The following POLR1E variants were observed in gnomAD, a reference collection of about 807,000 sequenced individuals.
The protein encoded by POLR1E is DNA-directed RNA polymerase I subunit RPA49.
In POLR1E, 37 loss-of-function variants were observed where a neutral mutation model predicts 50.9. That is an observed-to-expected ratio of 0.73 (90% CI 0.56 to 0.96). The LOEUF (loss-of-function observed/expected upper bound fraction) is 0.96. POLR1E is among the 40% of genes least tolerant of loss of function. The pLI is 0.00. For synonymous variants in POLR1E, 166 were observed against 191.6 expected (o/e 0.87, Z 1.10); for missense variants, 426 against 518.1 (o/e 0.82, Z 1.73).
chr9:37,496,391 G>A (rs1820785583), intron 8 of POLR1E, among the ~76,000 whole-genome samples: 1 of 152,004 alleles, frequency 6.6e-6, no homozygotes, highest in South Asian at 2.1e-4. Context: ...TTAAATTTAT[G>A]TATTTAAAAT....
chr9:37,502,760 T>C (rs1296937428), intron 11 of POLR1E, among the ~76,000 whole-genome samples: 1 of 152,212 alleles, frequency 6.6e-6, no homozygotes, highest in East Asian at 1.9e-4. Context: ...AAAGTTTGGT[T>C]ATGGGAGGTA....
rs1820673064 is a variant in POLR1E at position 37,491,020 on chromosome 9, A to G, written c.343+1620A>G. 3 of 270,148 alleles carry G rather than the reference A, an allele frequency of 1.1e-5. No homozygotes were observed. The East Asian group carries it at 2.7e-4, about 24-fold the overall frequency. The allele number at this position is 270,148 out of a possible 1,614,324, so 16.7% of individuals were successfully genotyped here. On this transcript the variant is annotated intron_variant, in intron 4 of 11. Coordinates refer to ENST00000377798, the MANE Select transcript of POLR1E (RefSeq NM_022490.4). ...CAAAGGAAATTGCTTATTAAGTTGT[A>G]TAGTAACTTTCACGTTGAGGACAAG...
intron 5 of POLR1E, among the ~76,000 whole-genome samples, chr9:37,492,952 C>T (rs181118599): frequency 1.2e-4 from 18 of 152,250 alleles, no homozygotes; most frequent in Admixed American, 5.2e-4. Flanking sequence ...TGTTTGGAGT[C>T]GGTTCTCTGG....
At chr9:37,498,045 C>A (rs759430195) in intron 8 of POLR1E, 46 bp from the exon 9 acceptor site, 1 of 1,592,770 alleles carries the variant, frequency 6.3e-7, no homozygotes. Context: ...CCTGACAGAG[C>A]CCATCTTACC....
rs1376137320 is a variant in POLR1E at position 37,495,974 on chromosome 9, T to C, written c.740T>C (p.Ile247Thr). ...ACGTCAGAAGAAATACTGAAGATGA[T>C]TGAGGAGAACAGGTACCCTGACTTA... ...NVTSEEILKM[I>T]EENSHCTFVI... The change falls in exon 8 of 12, where the codon ATT (isoleucine) becomes ACT (threonine). Residue 247 changes from isoleucine to threonine, a missense_variant. Coordinates refer to ENST00000377798, the MANE Select transcript of POLR1E (RefSeq NM_022490.4). 1.9e-6 allele frequency: 3 copies of C among 1,613,174 alleles called. No homozygotes were observed. The highest frequency in any genetic ancestry group is 2.5e-6 in the Non-Finnish European group (3 of 1,179,334).
At chr9:37,487,521 A>G (rs762803632) in intron 2 of POLR1E, among the ~76,000 whole-genome samples, 30 of 152,358 alleles carry the variant, frequency 2.0e-4, no homozygotes, top group Admixed American at 3.3e-4. Flanking sequence ...GAACAGGCCA[A>G]AGAGAGATTG....
chr9:37,500,515 A>G (rs1820866652), intron 9 of POLR1E, among the ~76,000 whole-genome samples: 1 of 151,722 alleles, frequency 6.6e-6, no homozygotes, highest in South Asian at 2.1e-4. Flanking sequence ...TTCCAATTCC[A>G]CCTTTCCCCC....
intron 11 of POLR1E, 124 bp from the exon 12 acceptor site, chr9:37,502,919 C>A: frequency 9.2e-7 from 1 of 1,088,048 alleles, no homozygotes; most frequent in Non-Finnish European, 1.3e-6. Flanking sequence ...TTTGTGCCTG[C>A]TGGCAACCTT....
intron 5 of POLR1E, among the ~76,000 whole-genome samples, chr9:37,493,185 C>G (rs754951): frequency 0.46 from 70,083 of 151,988 alleles, 18,534 homozygotes; most frequent in African/African-American, 0.74. Flanking sequence ...CTACTTTTTG[C>G]TTCAGGGGGA....
chr9:37,498,330 G>C (rs1005247931), intron 9 of POLR1E, 106 bp downstream of exon 9: 7 of 1,239,876 alleles, frequency 5.6e-6, no homozygotes, highest in Non-Finnish European at 7.8e-6. Flanking sequence ...GTCTGTCCAA[G>C]TCTTTACTGT....
At chr9:37,498,588 T>C (rs1393548576) in intron 9 of POLR1E, among the ~76,000 whole-genome samples, 1 of 152,232 alleles carries the variant, frequency 6.6e-6, no homozygotes, top group Non-Finnish European at 1.5e-5. Context: ...TGTGTGCGTG[T>C]GTGTGTGTAT....
chr9:37,492,563 ATTC>A, intron 4 of POLR1E, 91 bp from the exon 5 acceptor site: 1 of 1,207,032 alleles, frequency 8.3e-7, no homozygotes, highest in East Asian at 2.5e-5. Context: ...GAAATCTATT[ATTC>A]TTAGATAGAC....
chr9:37,493,437 C>A, intron 5 of POLR1E, 122 bp from the exon 6 acceptor site: 2 of 801,948 alleles, frequency 2.5e-6, no homozygotes, highest in Non-Finnish European at 1.8e-6. Context: ...TGCGATTCAG[C>A]CTTATTCACA....
At chr9:37,493,190 G>T (rs1244225275) in intron 5 of POLR1E, among the ~76,000 whole-genome samples, 1 of 152,160 alleles carries the variant, frequency 6.6e-6, no homozygotes, top group Non-Finnish European at 1.5e-5. Flanking sequence ...TTTTGCTTCA[G>T]GGGGAAGGAG....
chr9:37,495,183 G>A lies in POLR1E; in HGVS notation c.562G>A (p.Ala188Thr), dbSNP rs1230283589. ...TKGVTALVSDAIHNDLQDDSL... is the reference protein window; with the variant it reads ...TKGVTALVSDTIHNDLQDDSL... ...TTATTGAAAAGCTCTGGTCAGCGAT[G>A]CTATCCACAATGACTTGCAAGATGA... The change falls in exon 7 of 12, where the codon GCT (alanine) becomes ACT (threonine). Residue 188 changes from alanine (A) to threonine (T), a missense_variant. Physicochemically the swap from Ala to Thr is moderately conservative, Grantham distance 58. Coordinates refer to ENST00000377798, the MANE Select transcript of POLR1E (RefSeq NM_022490.4). 2 of 1,614,014 alleles carry A rather than the reference G, an allele frequency of 1.2e-6. No homozygotes were observed. The highest frequency in any genetic ancestry group is 1.7e-6 in the Non-Finnish European group (2 of 1,179,880).
Position 37,502,629 on chromosome 9 carries a change from G to A in POLR1E, c.1101-414G>A, listed in dbSNP as rs142374009. Among the ~76,000 whole-genome samples, 6 of 152,348 alleles carry A rather than the reference G, an allele frequency of 3.9e-5. No homozygotes were observed. The East Asian group carries it at 9.6e-4, about 24-fold the overall frequency. On this transcript the variant is annotated intron_variant, in intron 11 of 11. Coordinates refer to ENST00000377798, the MANE Select transcript of POLR1E (RefSeq NM_022490.4). ...CTCTGTCTGGACTCTCTAGCAGTCC[G>A]TGGAGGGACTGTTCTGAGGGCTGTC...
intron 9 of POLR1E, among the ~76,000 whole-genome samples, chr9:37,499,700 T>C (rs1285290313): frequency 2.6e-5 from 4 of 151,788 alleles, no homozygotes; most frequent in African/African-American, 9.7e-5. Flanking sequence ...AGCTAATTTT[T>C]GTGTTTTTAG....
chr9:37,486,624 A>C, intron 1 of POLR1E, 79 bp from the exon 2 acceptor site: 2 of 1,614,134 alleles, frequency 1.2e-6, no homozygotes, highest in Non-Finnish European at 8.5e-7. Flanking sequence ...TCCCAGTGAC[A>C]GTCTAGTCCC....
In POLR1E at chr9:37,503,141, C is replaced by T. The variant is rs1169173627; in HGVS notation, c.1199C>T (p.Ser400Phe). 7.4e-6 allele frequency: 12 copies of T among 1,613,852 alleles called. No individual in the cohort carries two copies. Among genetic ancestry groups the T allele is most frequent in the Non-Finnish European group, 1.0e-5 (12 of 1,179,988 alleles). ...GAAGATCACAAGCTGGGCACCCTGTCCCTCCCGCTGCCTCCAGCCCAGACC... is the reference window on the plus strand; with the variant it reads ...GAAGATCACAAGCTGGGCACCCTGTTCCTCCCGCTGCCTCCAGCCCAGACC... ...SEEDHKLGTL[S>F]LPLPPAQTSD... is the part of the protein sequence containing the mutation. Residue 400 changes from serine to phenylalanine, a missense_variant, in exon 12 of 12, where the codon TCC becomes TTC. Physicochemically the swap from Ser to Phe is radical, Grantham distance 155 (BLOSUM62 -2). Coordinates refer to ENST00000377798, the MANE Select transcript of POLR1E (RefSeq NM_022490.4).
Sources: allele counts gnomAD v4.1 joint callset (sites outside exome capture counted in the v4.1 genomes callset), GRCh38; gene constraint gnomAD v4.1.1; transcripts MANE v1.5; gene names NCBI Gene and HGNC (gene_info 2026-07-23, HGNC 2026-07-21).